The following DAB1 variants were observed in gnomAD, a reference collection of about 807,000 sequenced individuals.
The protein encoded by DAB1 is DAB adaptor protein 1, also known as disabled homolog 1.
A neutral mutation model predicts 64.6 loss-of-function variants in DAB1; 15 were observed. The observed-to-expected ratio is 0.23, with a 90% CI of 0.16 to 0.36. DAB1 has a LOEUF of 0.36. Among genes scored for constraint, DAB1 ranks in the 10% least tolerant of loss-of-function variants. The pLI is 1.00. For synonymous variants in DAB1, 235 were observed against 251.9 expected (o/e 0.93, Z 0.64); for missense variants, 596 against 706.7 (o/e 0.84, Z 1.78).
At chr1:58,523,714 A>G (rs912726032) in intron 2 of DAB1, among the ~76,000 whole-genome samples, 2 of 152,168 alleles carry the variant, frequency 1.3e-5, no homozygotes, top group African/African-American at 2.4e-5. Context: ...CCTGGCTAAC[A>G]CGGTGAAACC....
intron 1 of DAB1, among the ~76,000 whole-genome samples, chr1:57,853,012 C>G (rs2101930182): frequency 6.6e-6 from 1 of 152,088 alleles, no homozygotes; most frequent in Middle Eastern, 3.4e-3. Flanking sequence ...GGGCTGGGAC[C>G]ACAGTTTATC....
At chr1:57,147,937 G>T (rs1000361507) in intron 2 of DAB1, among the ~76,000 whole-genome samples, 2 of 152,142 alleles carry the variant, frequency 1.3e-5, no homozygotes, top group Non-Finnish European at 2.9e-5. Context: ...CACGTTTGTG[G>T]TTTGCTTGTG....
intron 3 of DAB1, among the ~76,000 whole-genome samples, chr1:58,489,905 C>T (rs917443187): frequency 1.3e-5 from 2 of 152,180 alleles, no homozygotes; most frequent in African/African-American, 4.8e-5. Flanking sequence ...GGAAAACTAA[C>T]AAACAGAAAG....
In DAB1 at chr1:57,015,141, A is replaced by G. The variant is rs749035898; in HGVS notation, c.1186T>C (p.Ser396Pro). 26 of 1,613,946 alleles carry G rather than the reference A, an allele frequency of 1.6e-5. No individual in the cohort carries two copies. Among genetic ancestry groups the G allele is most frequent in the Non-Finnish European group, 2.1e-5 (25 of 1,180,016 alleles). ...PLATVPGTSD[S>P]TRSSPQTDKP... ...TCGGTCTGTGGACTTGACCTGGTGGAGTCACTCGTGCCTGGGACGGTGGCA... is the reference window on the plus strand; with the variant it reads ...TCGGTCTGTGGACTTGACCTGGTGGGGTCACTCGTGCCTGGGACGGTGGCA... The change falls in exon 12 of 15, where the codon TCC (serine) becomes CCC (proline). Residue 396 changes from serine (S) to proline (P), a missense_variant. Transcript: ENST00000371236.
At chr1:58,159,290 T>G (rs1553164184) in intron 4 of DAB1, among the ~76,000 whole-genome samples, 1 of 152,168 alleles carries the variant, frequency 6.6e-6, no homozygotes, top group Non-Finnish European at 1.5e-5. Context: ...AGTCAACAGA[T>G]AAGAAGGAAC....
chr1:58,182,182 G>GT lies in DAB1; in HGVS notation n.310-31595dup, dbSNP rs1003213341. Among the ~76,000 whole-genome samples, 5 of 151,818 alleles carry GT rather than the reference G, an allele frequency of 3.3e-5. No individual in the cohort carries two copies. The South Asian group carries it at 6.2e-4, about 19-fold the overall frequency. ...TTTCATTCCTCTGTATACAGTGAGTGTTTTTTTACTTCTTGCTGATCTTAG... is the reference window on the plus strand; with the variant it reads ...TTTCATTCCTCTGTATACAGTGAGTGTTTTTTTTACTTCTTGCTGATCTTAG... On this transcript the variant is annotated intron_variant and non_coding_transcript_variant, in intron 4 of 20. Coordinates refer to the DAB1 transcript ENST00000485760.
chr1:57,670,230 T>C (rs1646494855), intron 6 of DAB1, among the ~76,000 whole-genome samples: 1 of 152,176 alleles, frequency 6.6e-6, no homozygotes, highest in African/African-American at 2.4e-5. Context: ...TAGGTAGATA[T>C]CATCCTCTCA....
intron 7 of DAB1, among the ~76,000 whole-genome samples, chr1:57,556,338 T>C (rs1334030926): frequency 7.2e-5 from 11 of 152,208 alleles, no homozygotes; most frequent in Non-Finnish European, 1.2e-4. Context: ...CTTTTAGTTC[T>C]TTAAGGAATC....
At chr1:58,093,911 T>G (rs2806407) in intron 5 of DAB1, among the ~76,000 whole-genome samples, 2,255 of 152,262 alleles carry the variant, frequency 0.015, 57 homozygotes, top group African/African-American at 0.051. Context: ...GCCCTTTGCT[T>G]GCTCTGCTCT....
At chr1:57,252,005 G>A (rs1449234228) in intron 2 of DAB1, among the ~76,000 whole-genome samples, 1 of 152,214 alleles carries the variant, frequency 6.6e-6, no homozygotes, top group Non-Finnish European at 1.5e-5. Flanking sequence ...CACACCTCAA[G>A]CTGTCGTGCT....
At chr1:58,408,786 CT>C (rs1469515170) in intron 3 of DAB1, among the ~76,000 whole-genome samples, 1 of 152,216 alleles carries the variant, frequency 6.6e-6, no homozygotes, top group Admixed American at 6.5e-5. Context: ...CAAGTGGAGA[CT>C]CAGTTCCCAC....
intron 1 of DAB1, among the ~76,000 whole-genome samples, chr1:58,534,584 G>A (rs560206779): frequency 2.6e-5 from 4 of 152,154 alleles, no homozygotes; most frequent in South Asian, 2.1e-4. Flanking sequence ...CATTCTTTTC[G>A]ATTAAACTAC....
chr1:58,179,922 GA>G (rs1047687140), intron 4 of DAB1, among the ~76,000 whole-genome samples: 3 of 150,552 alleles, frequency 2.0e-5, no homozygotes, highest in African/African-American at 4.9e-5. Context: ...AAAATATTTG[GA>G]AAAAAACAAT....
chr1:58,137,116 C>G lies in DAB1; in HGVS notation n.387+13395G>C, dbSNP rs1220829701. On this transcript the variant is annotated intron_variant and non_coding_transcript_variant, in intron 5 of 20. Coordinates refer to the DAB1 transcript ENST00000485760. Reference sequence around the variant, plus strand: ...AAAAAAAAACTAAATTTACATATACCTCTATCTATTTTTAAAGATAAGTTA... The same window carrying G: ...AAAAAAAAACTAAATTTACATATACGTCTATCTATTTTTAAAGATAAGTTA... 3.3e-5 allele frequency among the ~76,000 whole-genome samples: 5 copies of G among 152,088 alleles called. No individual in the cohort carries two copies. The East Asian group carries it at 9.6e-4, about 29-fold the overall frequency.
intron 6 of DAB1, among the ~76,000 whole-genome samples, chr1:57,758,638 C>T (rs534854893): frequency 6.6e-6 from 1 of 152,208 alleles, no homozygotes; most frequent in East Asian, 1.9e-4. Flanking sequence ...CGGCTTCTAT[C>T]ATATTTTTTC....
chr1:58,426,234 G>C (rs1644820921), intron 3 of DAB1, among the ~76,000 whole-genome samples: 1 of 152,244 alleles, frequency 6.6e-6, no homozygotes, highest in South Asian at 2.1e-4. Flanking sequence ...ACAGTTTCTT[G>C]ATCTCATGCC....
chr1:58,536,115 G>GA (rs989811621), intron 1 of DAB1, among the ~76,000 whole-genome samples: 1 of 151,982 alleles, frequency 6.6e-6, no homozygotes, highest in Non-Finnish European at 1.5e-5. Context: ...AGTATGCAGA[G>GA]AAAAAAAGCC....
chr1:58,102,918 C>T (rs1651408904), intron 5 of DAB1, among the ~76,000 whole-genome samples: 1 of 152,174 alleles, frequency 6.6e-6, no homozygotes, highest in African/African-American at 2.4e-5. Context: ...CAGGGCTTAC[C>T]TTCAGGAACA....
At chr1:58,063,934 G>A (rs1043864962) in intron 5 of DAB1, among the ~76,000 whole-genome samples, 4 of 152,226 alleles carry the variant, frequency 2.6e-5, no homozygotes, top group African/African-American at 9.6e-5. Flanking sequence ...GAAATTGCAT[G>A]TGTAAAAGCA....
Sources: gnomAD v4.1 joint callset for allele counts (sites outside exome capture counted in the v4.1 genomes callset) on GRCh38, gnomAD v4.1.1 for gene constraint, MANE v1.5 for transcripts, NCBI Gene and HGNC (gene_info 2026-07-23, HGNC 2026-07-21) for gene names.